The following SPIDR variants were observed in gnomAD, a reference collection of about 807,000 sequenced individuals.
The protein encoded by SPIDR is scaffold protein involved in DNA repair, also known as DNA repair-scaffolding protein.
In SPIDR, 93 loss-of-function variants were observed where a neutral mutation model predicts 104.6. That is an observed-to-expected ratio of 0.89 (90% confidence interval 0.75 to 1.06). SPIDR has a LOEUF of 1.06. Among genes scored for constraint, SPIDR ranks in the 50% least tolerant of loss-of-function variants. The pLI, the probability that SPIDR is intolerant of heterozygous loss-of-function variation, is 0.00. For synonymous variants in SPIDR, 431 were observed against 416.9 expected (o/e 1.03, Z -0.41); for missense variants, 1,154 against 1,111.2 (o/e 1.04, Z -0.55).
At chr8:47,600,196 C>T (rs550538278) in intron 10 of SPIDR, among the ~76,000 whole-genome samples, 17 of 152,282 alleles carry the variant, frequency 1.1e-4, no homozygotes, top group Admixed American at 2.0e-4. Flanking sequence ...TAAGAAAACA[C>T]GTAGTGAAGA....
At chr8:47,710,900 C>T (rs2081785470) in intron 14 of SPIDR, among the ~76,000 whole-genome samples, 1 of 152,094 alleles carries the variant, frequency 6.6e-6, no homozygotes, top group Non-Finnish European at 1.5e-5. Context: ...CTACCTCAGC[C>T]TCCCAAGTAG....
chr8:47,430,073 T>C (rs182609851), intron 7 of SPIDR, among the ~76,000 whole-genome samples: 1 of 152,322 alleles, frequency 6.6e-6, no homozygotes, highest in African/African-American at 2.4e-5. Context: ...CTTTTAACTT[T>C]TGTGTCTTTT....
intron 5 of SPIDR, among the ~76,000 whole-genome samples, chr8:47,375,483 GC>G (rs199855879): frequency 0.048 from 7,221 of 151,982 alleles, 204 homozygotes; most frequent in Middle Eastern, 0.061. Flanking sequence ...CTCATGATCT[GC>G]CCGCCTCGGC....
chr8:47,664,546 G>A (rs1007942107), intron 10 of SPIDR, among the ~76,000 whole-genome samples: 1 of 151,988 alleles, frequency 6.6e-6, no homozygotes, highest in African/African-American at 2.4e-5. Context: ...CAACCAAAGT[G>A]AAAAATTCAC....
chr8:47,611,526 G>A (rs953196117), intron 10 of SPIDR, among the ~76,000 whole-genome samples: 7 of 151,956 alleles, frequency 4.6e-5, no homozygotes, highest in South Asian at 2.1e-4. Context: ...GTGAAACCCC[G>A]TCTCTACTAA....
intron 8 of SPIDR, among the ~76,000 whole-genome samples, chr8:47,563,787 A>G (rs1046357710): frequency 4.6e-5 from 7 of 152,192 alleles, no homozygotes; most frequent in Non-Finnish European, 8.8e-5. Flanking sequence ...AGAAGTTTTT[A>G]AGTCAGGTAT....
At chr8:47,731,040 C>A (rs948021045) in intron 19 of SPIDR, among the ~76,000 whole-genome samples, 1 of 152,216 alleles carries the variant, frequency 6.6e-6, no homozygotes, top group African/African-American at 2.4e-5. Context: ...GGCGGATCAC[C>A]TGAGGTCAGG....
intron 8 of SPIDR, among the ~76,000 whole-genome samples, chr8:47,446,401 A>T (rs970611868): frequency 1.3e-5 from 2 of 152,094 alleles, no homozygotes; most frequent in East Asian, 3.9e-4. Context: ...GAGAAAAAAA[A>T]TTTTCTTTTA....
intron 10 of SPIDR, among the ~76,000 whole-genome samples, chr8:47,664,103 T>C (rs4873546): frequency 0.68 from 103,402 of 152,022 alleles, 35,533 homozygotes; most frequent in East Asian, 0.81. Flanking sequence ...GGCTCTACTC[T>C]AGGGGGTCCA....
chr8:47,437,553 A>G (rs1427686752), intron 7 of SPIDR, among the ~76,000 whole-genome samples: 3 of 152,108 alleles, frequency 2.0e-5, no homozygotes, highest in Admixed American at 2.0e-4. Context: ...GCAATAAAAA[A>G]CAACCCCATC....
chr8:47,325,260 G>T (rs7835668), intron 5 of SPIDR, among the ~76,000 whole-genome samples: 38,278 of 152,032 alleles, frequency 0.25, 5,085 homozygotes, highest in South Asian at 0.38. Flanking sequence ...GTTGTCACTT[G>T]GGATTTGGAA....
intron 5 of SPIDR, among the ~76,000 whole-genome samples, chr8:47,334,506 G>A (rs1200993917): frequency 6.6e-6 from 1 of 152,124 alleles, no homozygotes; most frequent in East Asian, 1.9e-4. Context: ...TTATCATTGG[G>A]TAATGCCCCT....
At chr8:47,674,032 A>G (rs1388721731) in intron 11 of SPIDR, 91 bp downstream of exon 11, 1 of 1,457,204 alleles carries the variant, frequency 6.9e-7, no homozygotes, top group Non-Finnish European at 9.1e-7. Context: ...TAAAATTAAA[A>G]GGCAATAAAC....
At chr8:47,506,010 A>G (rs1380199097) in intron 8 of SPIDR, among the ~76,000 whole-genome samples, 2 of 152,204 alleles carry the variant, frequency 1.3e-5, no homozygotes, top group Non-Finnish European at 2.9e-5. Flanking sequence ...ATCTTAAACT[A>G]TAAAATGGAA....
chr8:47,491,710 A>C lies in SPIDR; in HGVS notation c.1097+51168A>C, dbSNP rs2078744134. Among the ~76,000 whole-genome samples the C allele has an allele frequency of 2.0e-5, 3 of 152,132 alleles. No homozygotes were observed. In the South Asian group the frequency reaches 6.2e-4, roughly 32 times the overall value. On this transcript the variant is annotated intron_variant, in intron 8 of 19. Coordinates refer to ENST00000297423, the MANE Select transcript of SPIDR (RefSeq NM_001080394.4). ...GGTGTGGCCCCAGTATTAGCTTGGC[A>C]TGGTGGCGTACACCTGTAGTCCCAG... is the stretch of plus-strand genomic sequence containing the variant.
intron 10 of SPIDR, among the ~76,000 whole-genome samples, chr8:47,653,371 G>T (rs945455960): frequency 6.6e-6 from 1 of 152,140 alleles, no homozygotes; most frequent in African/African-American, 2.4e-5. Flanking sequence ...ATACCAAATG[G>T]CCTCTCATTT....
intron 5 of SPIDR, among the ~76,000 whole-genome samples, chr8:47,384,020 C>T (rs781855975): frequency 6.0e-4 from 92 of 152,138 alleles, no homozygotes; most frequent in Non-Finnish European, 1.1e-3. Context: ...ATTCTCGCAA[C>T]TTACTGTTTT....
intron 17 of SPIDR, among the ~76,000 whole-genome samples, chr8:47,727,515 T>C (rs762675457): frequency 6.6e-6 from 1 of 152,132 alleles, no homozygotes; most frequent in Non-Finnish European, 1.5e-5. Context: ...ATGAGATAGA[T>C]GTGCTGGGTT....
At chr8:47,727,607 G>C (rs974360511) in intron 17 of SPIDR, among the ~76,000 whole-genome samples, 1 of 152,186 alleles carries the variant, frequency 6.6e-6, no homozygotes, top group Non-Finnish European at 1.5e-5. Flanking sequence ...CTTGGTGACT[G>C]TATAGCCTAG....
Sources: gnomAD v4.1 joint callset for allele counts (sites outside exome capture counted in the v4.1 genomes callset) on GRCh38, gnomAD v4.1.1 for gene constraint, MANE v1.5 for transcripts, NCBI Gene and HGNC (gene_info 2026-07-23, HGNC 2026-07-21) for gene names.